The following SHROOM3 variants were observed in gnomAD, a reference collection of about 807,000 sequenced individuals.
The protein encoded by SHROOM3 is shroom family member 3.
A neutral mutation model predicts 138.6 loss-of-function variants in SHROOM3; 47 were observed. The ratio of observed to expected loss-of-function variants is 0.34; its 90% CI spans 0.27 to 0.43. The LOEUF (loss-of-function observed/expected upper bound fraction) is 0.43. Among genes scored for constraint, SHROOM3 ranks in the 20% least tolerant of loss-of-function variants. The pLI is 1.00. For synonymous variants in SHROOM3, 1,062 were observed against 1,063.3 expected, an observed-to-expected ratio of 1.00 and a Z score of 0.02; for missense variants, 2,491 against 2,596.5, an observed-to-expected ratio of 0.96 and a Z score of 0.88.
chr4:76,467,091 G>A (rs1388939530), intron 1 of SHROOM3, among the ~76,000 whole-genome samples: 2 of 148,540 alleles, frequency 1.3e-5, no homozygotes, highest in Non-Finnish European at 1.5e-5. Flanking sequence ...CACCCAGGCC[G>A]GAGTGTGGTG....
At chr4:76,613,377 G>A (rs1318674474) in intron 2 of SHROOM3, among the ~76,000 whole-genome samples, 1 of 152,146 alleles carries the variant, frequency 6.6e-6, no homozygotes, top group African/African-American at 2.4e-5. Flanking sequence ...GCCAAGACAA[G>A]CTGTTATTTT....
chr4:76,766,656 G>T (rs1722165869), intron 9 of SHROOM3, among the ~76,000 whole-genome samples: 2 of 152,202 alleles, frequency 1.3e-5, no homozygotes, highest in South Asian at 4.1e-4. Context: ...TTTTTTGGAA[G>T]AGATCTGCCT....
rs756338847 is a variant in SHROOM3, at chr4:76,739,465, A to G, written c.1292A>G (p.Gln431Arg). 1.4e-5 allele frequency: 22 copies of G among 1,614,116 alleles called. No homozygotes were observed. The highest frequency in any genetic ancestry group is 1.7e-5 in the Non-Finnish European group (20 of 1,180,054). ...CTGAAGTCTCCATTCATAGAGGAGC[A>G]GCTGCATACTGTGCTGGAGAAGAGT... ...GSLKSPFIEEQLHTVLEKSPE... is the reference protein window; with the variant it reads ...GSLKSPFIEERLHTVLEKSPE... Residue 431 changes from glutamine (Q) to arginine (R), a missense_variant, in exon 5 of 11, where the codon CAG (glutamine) becomes CGG (arginine). This residue lies in a region of SHROOM3 where 1,733 missense variants were observed against 1,661.6 expected (regional missense o/e 1.04). Coordinates refer to ENST00000296043, the MANE Select transcript of SHROOM3 (RefSeq NM_020859.4).
intron 2 of SHROOM3, chr4:76,688,869 C>T (rs1719412102): frequency 2.0e-6 from 2 of 984,910 alleles, no homozygotes; most frequent in Non-Finnish European, 1.2e-6. Context: ...AAGGCTTCAG[C>T]GGCATTCACC....
chr4:76,630,098 C>A (rs546213853), intron 2 of SHROOM3, among the ~76,000 whole-genome samples: 2 of 152,290 alleles, frequency 1.3e-5, no homozygotes, highest in South Asian at 2.1e-4. Context: ...CAATCATAAC[C>A]AGCTACACTT....
At chr4:76,631,076 C>T (rs1007643145) in intron 2 of SHROOM3, among the ~76,000 whole-genome samples, 16 of 151,510 alleles carry the variant, frequency 1.1e-4, no homozygotes, top group African/African-American at 3.6e-4. Context: ...AACAAATAAG[C>T]AAAGAAGGTA....
intron 1 of SHROOM3, among the ~76,000 whole-genome samples, chr4:76,454,274 C>G (rs1000768704): frequency 2.0e-5 from 3 of 152,178 alleles, no homozygotes; most frequent in African/African-American, 7.2e-5. Context: ...GGACTTCTGA[C>G]CTCAGATGAT....
At chr4:76,759,503 G>C (rs1420987571) in intron 8 of SHROOM3, 42 bp from the exon 9 acceptor site, 2 of 1,613,002 alleles carry the variant, frequency 1.2e-6, no homozygotes, top group South Asian at 2.2e-5. Flanking sequence ...AAAGCCTCTG[G>C]CGTGATCTGT....
At chr4:76,632,501 A>G (rs1735354997) in intron 2 of SHROOM3, among the ~76,000 whole-genome samples, 1 of 152,208 alleles carries the variant, frequency 6.6e-6, no homozygotes, top group South Asian at 2.1e-4. Flanking sequence ...TGAGGGGTCC[A>G]TGACATAAAC....
chr4:76,730,418 C>T (rs554282062), intron 3 of SHROOM3, among the ~76,000 whole-genome samples: 16 of 152,246 alleles, frequency 1.1e-4, no homozygotes, highest in Non-Finnish European at 1.0e-4. Context: ...AAAGGAATTG[C>T]GGGCTCCCAT....
intron 2 of SHROOM3, among the ~76,000 whole-genome samples, chr4:76,582,959 G>A (rs1473724226): frequency 6.6e-6 from 1 of 152,188 alleles, no homozygotes; most frequent in Non-Finnish European, 1.5e-5. Context: ...CTAACCCTCT[G>A]CAAGTGATTG....
chr4:76,511,984 G>A (rs903584222), intron 1 of SHROOM3, among the ~76,000 whole-genome samples: 3 of 152,182 alleles, frequency 2.0e-5, no homozygotes, highest in African/African-American at 4.8e-5. Flanking sequence ...TTGAGACACA[G>A]GTGAGGTGAC....
At chr4:76,696,619 ACTC>A (rs1191003642) in intron 2 of SHROOM3, among the ~76,000 whole-genome samples, 2 of 152,110 alleles carry the variant, frequency 1.3e-5, no homozygotes, top group South Asian at 4.1e-4. Flanking sequence ...GACCTGCCAA[ACTC>A]CTCCCTGAGG....
chr4:76,744,842 C>G (rs145887212), intron 5 of SHROOM3, among the ~76,000 whole-genome samples: 8 of 152,180 alleles, frequency 5.3e-5, no homozygotes, highest in Non-Finnish European at 1.0e-4. Flanking sequence ...AAGTTTTTGA[C>G]AAGGATTTAG....
chr4:76,547,932 AAC>A (rs57089323), intron 1 of SHROOM3, among the ~76,000 whole-genome samples: 177 of 146,160 alleles, frequency 1.2e-3, no homozygotes, highest in Middle Eastern at 3.5e-3. Flanking sequence ...CCTGTCTCAA[AAC>A]ACACACACAC....
chr4:76,619,643 T>C (rs894498129), intron 2 of SHROOM3, among the ~76,000 whole-genome samples: 4 of 152,172 alleles, frequency 2.6e-5, no homozygotes, highest in African/African-American at 9.7e-5. Context: ...AGAGGCGAGC[T>C]ACTGTTTTTA....
chr4:76,562,547 T>C, intron 2 of SHROOM3, among the ~76,000 whole-genome samples: 1 of 152,236 alleles, frequency 6.6e-6, no homozygotes, highest in East Asian at 1.9e-4. Flanking sequence ...AAATTAACTC[T>C]ATTAGCTATT....
chr4:76,711,108 C>T (rs1223943879), intron 3 of SHROOM3, among the ~76,000 whole-genome samples: 1 of 152,146 alleles, frequency 6.6e-6, no homozygotes, highest in Non-Finnish European at 1.5e-5. Flanking sequence ...ATCATTATCA[C>T]AAAAGTCTGT....
At chr4:76,603,598 T>A (rs1157741898) in intron 2 of SHROOM3, among the ~76,000 whole-genome samples, 4 of 152,222 alleles carry the variant, frequency 2.6e-5, no homozygotes, top group East Asian at 3.9e-4. Context: ...TTCTTTTTTT[T>A]AATATTTTAA....
Sources: allele counts gnomAD v4.1 joint callset (sites outside exome capture counted in the v4.1 genomes callset), GRCh38; gene constraint gnomAD v4.1.1; regional missense constraint gnomAD v4.1.1; transcripts MANE v1.5; gene names NCBI Gene and HGNC (gene_info 2026-07-23, HGNC 2026-07-21).